TBC1D32: variants seen among roughly 807,000 people sequenced by gnomAD.
The protein encoded by TBC1D32 is TBC1 domain family member 32.
TBC1D32 carries 151 observed loss-of-function variants against 170.3 expected under a neutral mutation model. The ratio of observed to expected loss-of-function variants is 0.89; its 90% CI spans 0.78 to 1.01. The LOEUF is 1.01. TBC1D32 is among the 50% of genes least tolerant of loss of function. The probability of loss-of-function intolerance (pLI) is 0.00; values close to 1 mark genes in which losing one functional copy is unlikely to be tolerated. For synonymous variants in TBC1D32, 498 were observed against 488.0 expected (o/e 1.02, Z -0.27); for missense variants, 1,464 against 1,457.1 (o/e 1.00, Z -0.08).
chr6:121,325,421 C>G (rs903873766), intron 1 of TBC1D32, among the ~76,000 whole-genome samples: 1 of 152,062 alleles, frequency 6.6e-6, no homozygotes, highest in Non-Finnish European at 1.5e-5. Flanking sequence ...AGTACCAAAA[C>G]AGATATATAG....
At chr6:121,248,741 T>C (rs1797939512) in intron 17 of TBC1D32, among the ~76,000 whole-genome samples, 1 of 151,562 alleles carries the variant, frequency 6.6e-6, no homozygotes, top group Admixed American at 6.6e-5. Flanking sequence ...ACAACCATCC[T>C]AGATTAAATT....
intron 2 of TBC1D32, among the ~76,000 whole-genome samples, chr6:121,319,447 G>T (rs1809388568): frequency 6.6e-6 from 1 of 152,098 alleles, no homozygotes; most frequent in Admixed American, 6.6e-5. Flanking sequence ...TCCACCAAAA[G>T]CTGTTCTCTC....
chr6:121,241,389 G>T, intron 19 of TBC1D32, 76 bp downstream of exon 19: 1 of 1,200,274 alleles, frequency 8.3e-7, no homozygotes, highest in Non-Finnish European at 1.2e-6. Flanking sequence ...ACTTAATTGT[G>T]CCAGTTAAAT....
intron 30 of TBC1D32, among the ~76,000 whole-genome samples, chr6:121,091,916 A>G (rs1776844249): frequency 6.6e-6 from 1 of 152,184 alleles, no homozygotes; most frequent in South Asian, 2.1e-4. Context: ...TACAGTCACA[A>G]AGACAGGCAG....
intron 20 of TBC1D32, among the ~76,000 whole-genome samples, chr6:121,229,707 A>T (rs918246514): frequency 5.9e-5 from 9 of 152,154 alleles, no homozygotes; most frequent in Non-Finnish European, 1.3e-4. Flanking sequence ...ATTAGTTGGG[A>T]TAATTCATGA....
chr6:121,095,132 A>G (rs1035472400), intron 30 of TBC1D32, among the ~76,000 whole-genome samples: 1 of 152,226 alleles, frequency 6.6e-6, no homozygotes, highest in African/African-American at 2.4e-5. Flanking sequence ...ACCATTCCAT[A>G]AATAATATAG....
At chr6:121,273,497 G>GT (rs904100888) in intron 15 of TBC1D32, among the ~76,000 whole-genome samples, 3 of 118,586 alleles carry the variant, frequency 2.5e-5, no homozygotes, top group African/African-American at 1.1e-4. Flanking sequence ...TCGTGGGGTT[G>GT]GGGGGGTTAG....
intron 20 of TBC1D32, among the ~76,000 whole-genome samples, chr6:121,238,525 G>A (rs1282719165): frequency 1.3e-5 from 2 of 152,052 alleles, no homozygotes; most frequent in Admixed American, 6.6e-5. Context: ...GTTAGGAATC[G>A]TCACTTTATT....
chr6:121,210,156 C>T (rs1792863044), intron 21 of TBC1D32, among the ~76,000 whole-genome samples: 2 of 151,998 alleles, frequency 1.3e-5, no homozygotes, highest in South Asian at 2.1e-4. Context: ...AAGTTAAGAC[C>T]TAATATCCCT....
intron 22 of TBC1D32, among the ~76,000 whole-genome samples, chr6:121,203,793 T>A (rs1791892922): frequency 6.6e-6 from 1 of 151,324 alleles, no homozygotes; most frequent in Admixed American, 6.6e-5. Flanking sequence ...AATGGGACAG[T>A]AAATTCTTTA....
intron 22 of TBC1D32, among the ~76,000 whole-genome samples, chr6:121,177,129 T>C (rs546059044): frequency 3.0e-4 from 45 of 152,284 alleles, no homozygotes; most frequent in Middle Eastern, 3.4e-3. Flanking sequence ...GTAGCTGATA[T>C]AGTCTGGATA....
chr6:121,090,514 A>G (rs1776695138), intron 31 of TBC1D32, among the ~76,000 whole-genome samples: 1 of 152,194 alleles, frequency 6.6e-6, no homozygotes, highest in South Asian at 2.1e-4. Context: ...AATATATTAA[A>G]TATATTTAAA....
At chr6:121,137,479 TAA>T (rs200145102) in intron 24 of TBC1D32, among the ~76,000 whole-genome samples, 11 of 133,296 alleles carry the variant, frequency 8.3e-5, no homozygotes, top group Admixed American at 2.2e-4. Context: ...TGGAAGAAGG[TAA>T]AAAAAAAAAA....
chr6:121,147,874 G>A (rs749263940), intron 24 of TBC1D32, among the ~76,000 whole-genome samples: 1 of 150,706 alleles, frequency 6.6e-6, no homozygotes, highest in South Asian at 2.1e-4. Flanking sequence ...TTACAGGCGT[G>A]AGCCACCGCG....
chr6:121,081,683 A>G (rs1275774242), intron 31 of TBC1D32, among the ~76,000 whole-genome samples: 1 of 152,098 alleles, frequency 6.6e-6, no homozygotes, highest in Non-Finnish European at 1.5e-5. Context: ...AAGACAATGC[A>G]TATCATATAC....
chr6:121,232,140 A>G lies in TBC1D32; in HGVS notation c.2364+6930T>C, dbSNP rs138326156. On this transcript the variant is annotated intron_variant, in intron 20 of 31. Transcript: ENST00000398212. ...TGAGGATCCAGTTTCATTCTTCTACATGTGGCTTGCTAATTACCCCAGCAC... is the reference window on the plus strand; with the variant it reads ...TGAGGATCCAGTTTCATTCTTCTACGTGTGGCTTGCTAATTACCCCAGCAC... Among the ~76,000 whole-genome samples the G allele has an allele frequency of 2.3e-4, 35 of 152,240 alleles. No individual in the cohort carries two copies. In the East Asian group the frequency reaches 4.8e-3, roughly 21 times the overall value.
At chr6:121,160,789 T>C (rs1230393134) in intron 23 of TBC1D32, among the ~76,000 whole-genome samples, 159 bp downstream of exon 23, 1 of 152,236 alleles carries the variant, frequency 6.6e-6, no homozygotes, top group Non-Finnish European at 1.5e-5. Context: ...TTATTTTAGT[T>C]TGAAAGTATT....
At position 121,256,205 on chromosome 6, in the gene TBC1D32, A is replaced by G. The variant is rs929029310; in HGVS notation, c.1814T>C (p.Met605Thr). The change falls in exon 16 of 32, where the codon ATG becomes ACG. Residue 605 changes from methionine to threonine, a missense_variant. Transcript: ENST00000398212. The stretch of plus-strand genomic sequence containing the variant: ...AAAAGCTCCTTTAACCACAGGCAAC[A>G]TTTCTGATCCAGAAAATATAGAAAT... ...EDISIFSGSE[M>T]LPVVKGAFIS... 2 of 1,613,972 alleles carry G rather than the reference A, an allele frequency of 1.2e-6. No individual in the cohort carries two copies. The highest frequency in any genetic ancestry group is 1.7e-6 in the Non-Finnish European group (2 of 1,179,938).
At chr6:121,246,608 C>CA (rs1424605557) in intron 17 of TBC1D32, among the ~76,000 whole-genome samples, 1 of 150,404 alleles carries the variant, frequency 6.6e-6, no homozygotes. Flanking sequence ...CAGAGAAATG[C>CA]AAAAAACAAG....
Sources: allele counts gnomAD v4.1 joint callset (sites outside exome capture counted in the v4.1 genomes callset), GRCh38; gene constraint gnomAD v4.1.1; transcripts MANE v1.5; gene names NCBI Gene and HGNC (gene_info 2026-07-23, HGNC 2026-07-21).